Variants in IMPA2 observed in about 807,000 individuals in gnomAD.
The protein encoded by IMPA2 is IMP 2.
IMPA2 carries 32 observed loss-of-function variants against 35.1 expected under a neutral mutation model. That is an observed-to-expected ratio of 0.91 (90% CI 0.69 to 1.23). The LOEUF is 1.23. Ranked by LOEUF, IMPA2 falls within the 50% of genes most tolerant of loss-of-function variation. The pLI is 0.00. For synonymous variants in IMPA2, 135 were observed against 160.6 expected (o/e 0.84, Z 1.20); for missense variants, 334 against 387.6 (o/e 0.86, Z 1.16).
At chr18:11,985,941 C>T (rs1906653022) in intron 1 of IMPA2, among the ~76,000 whole-genome samples, 1 of 152,216 alleles carries the variant, frequency 6.6e-6, no homozygotes, top group Non-Finnish European at 1.5e-5. Flanking sequence ...GTTAGATCTA[C>T]AGTCAAAACA....
Position 11,981,734 on chromosome 18 carries a change from C to A in IMPA2, c.65C>A (p.Ala22Glu), listed in dbSNP as rs544600816. Residue 22 changes from alanine to glutamate, a missense_variant, in exon 1 of 8, where the codon GCG becomes GAG. Physicochemically the swap from Ala to Glu is moderately radical, Grantham distance 107 (BLOSUM62 -1). Coordinates refer to ENST00000269159, the MANE Select transcript of IMPA2 (RefSeq NM_014214.3). The part of the protein sequence containing the change: ...AAGPWEECFQ[A>E]AVQLALRAGQ... Reference sequence around the variant, plus strand: ...GGCCCCTGGGAGGAGTGCTTCCAGGCGGCCGTGCAGCTGGCGCTGCGGGCA... The same window carrying A: ...GGCCCCTGGGAGGAGTGCTTCCAGGAGGCCGTGCAGCTGGCGCTGCGGGCA... The A allele has an allele frequency of 1.0e-3, 1,263 of 1,229,378 alleles. 4 individuals carry two copies. Among genetic ancestry groups the A allele is most frequent in the Non-Finnish European group, 1.2e-3 (1,201 of 986,298 alleles). 76.2% of individuals were successfully genotyped at this position (1,229,378 alleles called of 1,614,324 possible).
At chr18:12,002,738 TGG>T (rs967508249) in intron 2 of IMPA2, among the ~76,000 whole-genome samples, 1 of 141,882 alleles carries the variant, frequency 7.0e-6, no homozygotes, top group Non-Finnish European at 1.5e-5. Flanking sequence ...CAGTCTAGCC[TGG>T]GTGACAGAGC....
chr18:12,007,588 TTTTC>T (rs148043347), intron 2 of IMPA2, among the ~76,000 whole-genome samples: 6,282 of 142,006 alleles, frequency 0.044, 217 homozygotes, highest in Middle Eastern at 0.083. Context: ...CTTTCTTTTC[TTTTC>T]TTTCTTTCTT....
chr18:11,983,651 G>T (rs1030928040), intron 1 of IMPA2, among the ~76,000 whole-genome samples: 1 of 152,116 alleles, frequency 6.6e-6, no homozygotes, highest in Non-Finnish European at 1.5e-5. Flanking sequence ...GCTGGAGAGG[G>T]TTGCAATAAA....
At chr18:11,982,356 C>T (rs1403461394) in intron 1 of IMPA2, among the ~76,000 whole-genome samples, 1 of 152,218 alleles carries the variant, frequency 6.6e-6, no homozygotes, top group Non-Finnish European at 1.5e-5. Flanking sequence ...TGCAGTTCCT[C>T]TCTTCTCTTT....
chr18:12,023,757 G>C (rs938047813), intron 5 of IMPA2, among the ~76,000 whole-genome samples: 2 of 152,324 alleles, frequency 1.3e-5, no homozygotes, highest in Admixed American at 1.3e-4. Flanking sequence ...CAAGTGCCCT[G>C]TGTGTTAGGA....
intron 2 of IMPA2, among the ~76,000 whole-genome samples, chr18:12,001,244 A>G (rs908307368): frequency 6.6e-6 from 1 of 152,126 alleles, no homozygotes; most frequent in African/African-American, 2.4e-5. Context: ...ATAAATAAAT[A>G]AACCTAATTT....
In IMPA2 at chr18:11,999,108, G is replaced by A; in HGVS notation, c.151G>A (p.Ala51Thr). The A allele has an allele frequency of 6.2e-7, 1 of 1,613,670 alleles. No homozygotes were observed. The highest frequency in any genetic ancestry group is 8.5e-7 in the Non-Finnish European group (1 of 1,179,646). ...EKRVSTKTSA[A>T]DLVTETDHLV... ...ACGTGTCTCAACAAAAACATCAGCT[G>A]CAGATCTTGTGACAGAAACAGATCA... The change falls in exon 2 of 8, where the codon GCA becomes ACA. Residue 51 changes from alanine (A) to threonine (T), a missense_variant. Transcript: ENST00000269159.
At chr18:11,984,812 C>A (rs1906611399) in intron 1 of IMPA2, among the ~76,000 whole-genome samples, 1 of 151,332 alleles carries the variant, frequency 6.6e-6, no homozygotes, top group African/African-American at 2.4e-5. Flanking sequence ...CTAAAAAATA[C>A]AAAAAATTAG....
At chr18:12,002,784 T>C (rs1379499015) in intron 2 of IMPA2, among the ~76,000 whole-genome samples, 1 of 139,010 alleles carries the variant, frequency 7.2e-6, no homozygotes, top group Non-Finnish European at 1.6e-5. Context: ...AAAAAAAATG[T>C]AGATTAAAAG....
At chr18:12,028,560 C>T (rs747622704) in intron 6 of IMPA2, 19 of 477,446 alleles carry the variant, frequency 4.0e-5, no homozygotes, top group Non-Finnish European at 6.7e-5. Flanking sequence ...CTTAATGTCA[C>T]GTTCAGTAGA....
At chr18:12,028,815 C>A in intron 6 of IMPA2, 27 bp from the exon 7 acceptor site, 1 of 1,610,340 alleles carries the variant, frequency 6.2e-7, no homozygotes, top group Non-Finnish European at 8.5e-7. Flanking sequence ...CTCCCGCCTG[C>A]ATCTGTCCTC....
chr18:12,024,351 GTGC>G (rs1435626563), intron 5 of IMPA2, among the ~76,000 whole-genome samples: 2 of 152,076 alleles, frequency 1.3e-5, no homozygotes, highest in African/African-American at 4.8e-5. Context: ...GGGCATGGTG[GTGC>G]GCACCTGTAA....
intron 3 of IMPA2, among the ~76,000 whole-genome samples, chr18:12,011,421 G>A (rs1206381171): frequency 5.3e-5 from 8 of 152,226 alleles, no homozygotes; most frequent in Admixed American, 1.3e-4. Context: ...TGGAACAAGC[G>A]TGAGGCCTGG....
In IMPA2 at chr18:11,982,760, A is replaced by G. The variant is rs547149260; in HGVS notation, c.96+995A>G. ...GTGAGCTGAGATCGCGCCATTGCAC[A>G]CCAGCCTGGGCAACAAGAACAAAAC... On this transcript the variant is annotated intron_variant, in intron 1 of 7. Coordinates refer to ENST00000269159, the MANE Select transcript of IMPA2 (RefSeq NM_014214.3). Among the ~76,000 whole-genome samples, 339 of 150,614 alleles carry G rather than the reference A, an allele frequency of 2.3e-3. 1 individual carries two copies. The highest frequency in any genetic ancestry group is 6.8e-3 in the African/African-American group (278 of 40,842).
chr18:12,014,257 G>A lies in IMPA2; in HGVS notation c.382-8G>A, dbSNP rs573311781. 101 of 1,605,306 alleles carry A rather than the reference G, an allele frequency of 6.3e-5. No individual in the cohort carries two copies. In the Admixed American group the frequency reaches 8.3e-4, roughly 13 times the overall value. On this transcript the variant is annotated splice_region_variant and splice_polypyrimidine_tract_variant and intron_variant, in intron 4 of 7. Coordinates refer to ENST00000269159, the MANE Select transcript of IMPA2 (RefSeq NM_014214.3). ...CTTTGTTTTCTGTCCTGCCTCTGCCGCCCACAGCTTGAATTCGGAGTGATT... is the reference window on the plus strand; with the variant it reads ...CTTTGTTTTCTGTCCTGCCTCTGCCACCCACAGCTTGAATTCGGAGTGATT...
intron 3 of IMPA2, among the ~76,000 whole-genome samples, chr18:12,011,200 A>G (rs1907423882): frequency 6.6e-6 from 1 of 152,172 alleles, no homozygotes; most frequent in South Asian, 2.1e-4. Context: ...GGATCCTGGT[A>G]CTGGGGAGGT....
intron 5 of IMPA2, among the ~76,000 whole-genome samples, chr18:12,019,465 A>T (rs1598702884): frequency 7.2e-6 from 1 of 138,624 alleles, no homozygotes; most frequent in Middle Eastern, 4.1e-3. Context: ...ATCAGGTTTC[A>T]CCGTGTTGGC....
At chr18:12,007,621 T>TTTC (rs1907295232) in intron 2 of IMPA2, among the ~76,000 whole-genome samples, 1 of 96,994 alleles carries the variant, frequency 1.0e-5, no homozygotes, top group East Asian at 3.7e-4. Context: ...TTTCTTTCTT[T>TTTC]TTCTTTCTTC....
Sources: allele counts gnomAD v4.1 joint callset (sites outside exome capture counted in the v4.1 genomes callset), GRCh38; gene constraint gnomAD v4.1.1; transcripts MANE v1.5; gene names NCBI Gene and HGNC (gene_info 2026-07-23, HGNC 2026-07-21).